The following BIRC3 variants were observed in gnomAD, a reference collection of about 807,000 sequenced individuals.
BIRC3 encodes the protein baculoviral IAP repeat containing 3.
A neutral mutation model predicts 59.0 loss-of-function variants in BIRC3; 26 were observed. The observed-to-expected ratio is 0.44, with a 90% CI of 0.32 to 0.61. The LOEUF (loss-of-function observed/expected upper bound fraction) is 0.61, where lower values mean the gene tolerates loss of function less well. Ranked by LOEUF, BIRC3 falls within the 20% of genes least tolerant of loss-of-function variation. The pLI is 0.04. For missense variants in BIRC3, 641 were observed against 711.5 expected (o/e 0.90, Z 1.13); for synonymous variants, 243 against 249.2 (o/e 0.98, Z 0.24).
At chr11:102,327,438 C>T (rs1324508724) in intron 3 of BIRC3, among the ~76,000 whole-genome samples, 5 of 151,892 alleles carry the variant, frequency 3.3e-5, no homozygotes, top group South Asian at 2.1e-4. Flanking sequence ...GTCAGGAGTT[C>T]GAGACCAGTA....
At position 102,331,023 on chromosome 11, in the gene BIRC3, A is replaced by T. The variant is rs1034908456; in HGVS notation, c.1106A>T (p.Asp369Val). 3 of 1,613,410 alleles carry T rather than the reference A, an allele frequency of 1.9e-6. No homozygotes were observed. Among genetic ancestry groups the T allele is most frequent in the East Asian group, 2.2e-5 (1 of 44,802 alleles). The change falls in exon 6 of 9, where the codon GAC becomes GTC. Residue 369 changes from aspartate to valine, a missense_variant. Transcript: ENST00000263464. ...GTTATCCATTTTGAACCTGGAGAAG[A>T]CCATTCAGAAGATGCAATCATGATG... ...SSIIHFEPGE[D>V]HSEDAIMMNT... is the part of the protein sequence containing the mutation.
In BIRC3 at chr11:102,336,001, CT is replaced by C; in HGVS notation, c.1365del (p.Gln456AsnfsTer3). 1 of 1,611,392 alleles carries C rather than the reference CT, an allele frequency of 6.2e-7. No homozygotes were observed. Among genetic ancestry groups the C allele is most frequent in the Non-Finnish European group, 8.5e-7 (1 of 1,178,874 alleles). On this transcript the variant is annotated frameshift_variant, in exon 7 of 9. Transcript: ENST00000263464. LOFTEE classifies it high-confidence loss of function. ...ATTAATCCGGAAGAATAGAATGGCA[CT>C]TTTTCAACATTTGACTTGTGTAATT... ...LLLIRKNRMA[L>X]FQHLTCVIPI...
Position 102,331,073 on chromosome 11 carries a change from G to A in BIRC3, c.1156G>A (p.Val386Met), listed in dbSNP as rs12222256. The part of the protein sequence containing the change: ...MMNTPVINAA[V>M]EMGFSRSLVK... ...GAATACTCCTGTGATTAATGCTGCC[G>A]TGGAAATGGGCTTTAGTAGAAGCCT... The change falls in exon 6 of 9, where the codon GTG becomes ATG. Residue 386 changes from valine to methionine, a missense_variant. Val to Met is a conservative substitution (Grantham distance 21). Transcript: ENST00000263464. The A allele has an allele frequency of 2.4e-4, 387 of 1,613,846 alleles. 4 individuals carry two copies. In the East Asian group the frequency reaches 4.9e-3, roughly 21 times the overall value.
chr11:102,332,418 GC>G (rs1277475550), intron 6 of BIRC3, among the ~76,000 whole-genome samples: 6 of 152,082 alleles, frequency 3.9e-5, no homozygotes, highest in Non-Finnish European at 7.4e-5. Context: ...CTCTCTTAGT[GC>G]CCCCGGGCTC....
rs753459161 is a variant in BIRC3, at chr11:102,337,119, C to T, written c.*17C>T. 7 of 1,457,828 alleles carry T rather than the reference C, an allele frequency of 4.8e-6. No homozygotes were observed. The highest frequency in any genetic ancestry group is 2.9e-5 in the African/African-American group (2 of 68,006). 90.3% of individuals were successfully genotyped at this position (1,457,828 alleles called of 1,614,324 possible). A position where few individuals can be genotyped will look rare whatever the true frequency, so the allele number is the denominator to read the frequency against. ...CTTTCATGAAGAAGAACCAAAACATCGTCTAAACTTTAGAATTAATTTATT... is the reference window on the plus strand; with the variant it reads ...CTTTCATGAAGAAGAACCAAAACATTGTCTAAACTTTAGAATTAATTTATT... On this transcript the variant is annotated 3_prime_UTR_variant, in exon 9 of 9. Transcript: ENST00000263464.
chr11:102,336,358 G>A, intron 7 of BIRC3, 138 bp downstream of exon 7: 1 of 993,974 alleles, frequency 1.0e-6, no homozygotes, highest in South Asian at 1.8e-5. Flanking sequence ...TTGGGAGGCT[G>A]AGGCAGGTGG....
At chr11:102,318,127 A>T (rs1950991791) in intron 1 of BIRC3, among the ~76,000 whole-genome samples, 1 of 152,170 alleles carries the variant, frequency 6.6e-6, no homozygotes, top group Non-Finnish European at 1.5e-5. Flanking sequence ...TTTATTTGCT[A>T]TTATTTATTG....
rs771836966 is a variant in BIRC3 at position 102,331,032 on chromosome 11, A to G, written c.1115A>G (p.Glu372Gly). Residue 372 changes from glutamate to glycine, a missense_variant, in exon 6 of 9, where the codon GAA (glutamate) becomes GGA (glycine). Transcript: ENST00000263464. ...IHFEPGEDHS[E>G]DAIMMNTPVI... is the part of the protein sequence containing the mutation. ...TTTGAACCTGGAGAAGACCATTCAG[A>G]AGATGCAATCATGATGAATACTCCT... The G allele has an allele frequency of 6.2e-7, 1 of 1,613,704 alleles. No individual in the cohort carries two copies. Among genetic ancestry groups the G allele is most frequent in the Non-Finnish European group, 8.5e-7 (1 of 1,179,764 alleles).
At chr11:102,326,396 T>G (rs184000240) in intron 3 of BIRC3, among the ~76,000 whole-genome samples, 2 of 152,338 alleles carry the variant, frequency 1.3e-5, no homozygotes, top group East Asian at 1.9e-4. Context: ...TTTTGATTGT[T>G]TAACTGGCCA....
intron 6 of BIRC3, among the ~76,000 whole-genome samples, chr11:102,335,433 A>T (rs975248735): frequency 1.3e-5 from 2 of 152,212 alleles, no homozygotes; most frequent in African/African-American, 4.8e-5. Flanking sequence ...AGCACAGTAC[A>T]TGACACCAGA....
chr11:102,335,893 A>C (rs913964428), intron 6 of BIRC3, 73 bp from the exon 7 acceptor site: 4 of 1,409,306 alleles, frequency 2.8e-6, no homozygotes, highest in Non-Finnish European at 3.8e-6. Flanking sequence ...TTATCCTGCT[A>C]TATATATAGG....
chr11:102,336,596 A>T, intron 7 of BIRC3, 164 bp from the exon 8 acceptor site: 2 of 709,276 alleles, frequency 2.8e-6, no homozygotes, highest in Non-Finnish European at 2.3e-6. Context: ...TCAAAAAAAA[A>T]TCAATCTAAT....
At chr11:102,321,607 G>C (rs1951031541) in intron 1 of BIRC3, among the ~76,000 whole-genome samples, 1 of 152,100 alleles carries the variant, frequency 6.6e-6, no homozygotes, top group African/African-American at 2.4e-5. Context: ...CACTTGTCTT[G>C]GCCTCCCAAA....
At position 102,324,506 on chromosome 11, in the gene BIRC3, C is replaced by A. The variant is rs373107755; in HGVS notation, c.-4C>A. On this transcript the variant is annotated 5_prime_UTR_variant, in exon 2 of 9. Transcript: ENST00000263464. ...AGTCCCTTTTCTTCCCCATTCATTT[C>A]ATTATGAACATAGTAGAAAACAGCA... The A allele has an allele frequency of 4.1e-5, 66 of 1,598,180 alleles. No individual in the cohort carries two copies. Among genetic ancestry groups the A allele is most frequent in the Non-Finnish European group, 5.5e-5 (65 of 1,171,812 alleles).
In BIRC3 at chr11:102,324,797, T is replaced by A; in HGVS notation, c.288T>A (p.Val96=). The A allele has an allele frequency of 6.2e-7, 1 of 1,614,182 alleles. No homozygotes were observed. Among genetic ancestry groups the A allele is most frequent in the Non-Finnish European group, 8.5e-7 (1 of 1,180,012 alleles). The change falls in exon 2 of 9, where the codon GTT becomes GTA. Residue 96 remains valine, a synonymous_variant. Coordinates refer to ENST00000263464, the MANE Select transcript of BIRC3 (RefSeq NM_001165.5). ...AGTTGTATCCTAGCTGCAGATTCGT[T>A]CAGAGTCTAAATTCCGTTAACAACT... ...HKKLYPSCRF[V]QSLNSVNNLE...
chr11:102,327,359 G>A (rs1476792817), intron 3 of BIRC3, among the ~76,000 whole-genome samples: 1 of 152,162 alleles, frequency 6.6e-6, no homozygotes, highest in African/African-American at 2.4e-5. Context: ...TAGCTGAAGT[G>A]GTCGGGTGCA....
rs767544768 is a variant in BIRC3 at position 102,337,110 on chromosome 11, C to A, written c.*8C>A. 6.8e-7 allele frequency: 1 copy of A among 1,475,772 alleles called. No homozygotes were observed. The highest frequency in any genetic ancestry group is 9.0e-7 in the Non-Finnish European group (1 of 1,115,678). 91.4% of individuals were successfully genotyped at this position (1,475,772 alleles called of 1,614,324 possible). A position where few individuals can be genotyped will look rare whatever the true frequency, so the allele number is the denominator to read the frequency against. On this transcript the variant is annotated 3_prime_UTR_variant, in exon 9 of 9. Transcript: ENST00000263464. ...CGTACATTTCTTTCATGAAGAAGAA[C>A]CAAAACATCGTCTAAACTTTAGAAT...
At chr11:102,330,534 T>A (rs1258235484) in intron 5 of BIRC3, among the ~76,000 whole-genome samples, 1 of 152,262 alleles carries the variant, frequency 6.6e-6, no homozygotes, top group East Asian at 1.9e-4. Flanking sequence ...ATTTAAGAAG[T>A]GTGACACATC....
Position 102,324,978 on chromosome 11 carries a change from T to G in BIRC3, c.469T>G (p.Leu157Val), listed in dbSNP as rs766408639. 11 of 1,614,064 alleles carry G rather than the reference T, an allele frequency of 6.8e-6. No homozygotes were observed. The highest frequency in any genetic ancestry group is 4.0e-5 in the African/African-American group (3 of 74,918). Residue 157 changes from leucine (L) to valine (V), a missense_variant, in exon 2 of 9, where the codon TTG becomes GTG. By Grantham distance (32) the Leu-to-Val change is conservative. Around this residue, in one of 4 missense-constraint regions of BIRC3, gnomAD observed 329 missense variants for 365.6 expected, o/e 0.90. Coordinates refer to ENST00000263464, the MANE Select transcript of BIRC3 (RefSeq NM_001165.5). ...NSRANQDFSALMRSSYHCAMN... is the reference protein window; with the variant it reads ...NSRANQDFSAVMRSSYHCAMN... ...CAGAGCAAATCAAGATTTTTCTGCCTTGATGAGAAGTTCCTACCACTGTGC... is the reference window on the plus strand; with the variant it reads ...CAGAGCAAATCAAGATTTTTCTGCCGTGATGAGAAGTTCCTACCACTGTGC...
Sources: gnomAD v4.1 joint callset for allele counts (sites outside exome capture counted in the v4.1 genomes callset) on GRCh38, gnomAD v4.1.1 for gene constraint, gnomAD v4.1.1 regional missense constraint, MANE v1.5 for transcripts, NCBI Gene and HGNC (gene_info 2026-07-23, HGNC 2026-07-21) for gene names.